JPH1: variants seen among roughly 807,000 people sequenced by gnomAD.
The protein encoded by JPH1 is junctophilin-1.
Under a neutral mutation model 53.6 loss-of-function variants are expected in JPH1, and 12 were observed. That is an observed-to-expected ratio of 0.22 (90% CI 0.14 to 0.36). The LOEUF is 0.36. Among genes scored for constraint, JPH1 ranks in the 10% least tolerant of loss-of-function variants. The pLI is 1.00. For missense variants in JPH1, 808 were observed against 905.5 expected (o/e 0.89, Z 1.38); for synonymous variants, 375 against 363.8 (o/e 1.03, Z -0.35).
At chr8:74,280,897 A>G (rs1806994974) in intron 2 of JPH1, among the ~76,000 whole-genome samples, 1 of 152,210 alleles carries the variant, frequency 6.6e-6, no homozygotes. Flanking sequence ...CTCTCACAAC[A>G]GTTCTGCAAG....
intron 3 of JPH1, among the ~76,000 whole-genome samples, chr8:74,259,130 C>T (rs1372512147): frequency 6.6e-6 from 1 of 152,190 alleles, no homozygotes; most frequent in Admixed American, 6.5e-5. Flanking sequence ...CGTGTTTCAA[C>T]TTGGGTTCCC....
chr8:74,271,966 C>T (rs527433624), intron 2 of JPH1, among the ~76,000 whole-genome samples: 2 of 152,330 alleles, frequency 1.3e-5, no homozygotes, highest in South Asian at 4.1e-4. Flanking sequence ...GAAGCCTCTT[C>T]CCATCCAAGA....
At position 74,321,424 on chromosome 8, in the gene JPH1, GC is replaced by G; in HGVS notation, c.-138del. On this transcript the variant is annotated 5_prime_UTR_variant, in exon 1 of 6. Coordinates refer to ENST00000342232, the MANE Select transcript of JPH1 (RefSeq NM_020647.4). This position sits in a 1 kb window ranked among gnomAD's most constrained non-coding sequence, Gnocchi z 4.3. ...CCTGGGCAGCTCGCGCTGCCGCTCGGCTCCAGTCCGACGCCGCCCCCGTCCT... is the reference window on the plus strand; with the variant it reads ...CCTGGGCAGCTCGCGCTGCCGCTCGGTCCAGTCCGACGCCGCCCCCGTCCT... 1 of 811,326 alleles carries G rather than the reference GC, an allele frequency of 1.2e-6. No homozygotes were observed. The highest frequency in any genetic ancestry group is 1.7e-6 in the Non-Finnish European group (1 of 576,578). The allele number at this position is 811,326 out of a possible 1,614,324, so 50.3% of individuals were successfully genotyped here.
At chr8:74,262,485 G>A (rs1806422018) in intron 2 of JPH1, among the ~76,000 whole-genome samples, 1 of 152,058 alleles carries the variant, frequency 6.6e-6, no homozygotes, top group Non-Finnish European at 1.5e-5. Flanking sequence ...CTGGTCACAG[G>A]CAAAAAATGC....
At chr8:74,260,772 A>G (rs368006429) in intron 2 of JPH1, among the ~76,000 whole-genome samples, 21 of 152,250 alleles carry the variant, frequency 1.4e-4, no homozygotes, top group African/African-American at 5.1e-4. Context: ...CCCTTTTCAC[A>G]TTACTCTCTT....
chr8:74,289,945 T>C (rs952230333), intron 2 of JPH1, among the ~76,000 whole-genome samples: 2 of 152,318 alleles, frequency 1.3e-5, no homozygotes, highest in Non-Finnish European at 2.9e-5. Context: ...GGATAAGCTT[T>C]TTGATGTGCT....
In JPH1 at chr8:74,320,944, T is replaced by C; in HGVS notation, c.344A>G (p.Gln115Arg). 6.3e-7 allele frequency: 1 copy of C among 1,599,206 alleles called. No individual in the cohort carries two copies. Among genetic ancestry groups the C allele is most frequent in the Non-Finnish European group, 8.5e-7 (1 of 1,173,112 alleles). Residue 115 changes from glutamine to arginine, a missense_variant, in exon 1 of 6, where the codon CAA becomes CGA. By Grantham distance (43) the Gln-to-Arg change is conservative. Around this residue, in one of 2 missense-constraint regions of JPH1, gnomAD observed 756 missense variants for 811.9 expected, o/e 0.93. Transcript: ENST00000342232. The surrounding 1 kb of genome is among the most constrained non-coding windows in gnomAD (Gnocchi z 4.4). Reference sequence around the variant, plus strand: ...GTAGGTCTCCACGCCGTACCCGTCTTGCAGCCCGTTACTCCAGGTACCCTC... The same window carrying C: ...GTAGGTCTCCACGCCGTACCCGTCTCGCAGCCCGTTACTCCAGGTACCCTC... The part of the protein sequence containing the change: ...RYEGTWSNGL[Q>R]DGYGVETYGD...
intron 2 of JPH1, among the ~76,000 whole-genome samples, chr8:74,282,901 T>A (rs532500198): frequency 1.6e-4 from 24 of 152,364 alleles, no homozygotes; most frequent in African/African-American, 5.8e-4. Context: ...TATACATGTA[T>A]CAAAATATCA....
chr8:74,257,564 G>A (rs1036807398), intron 3 of JPH1, among the ~76,000 whole-genome samples: 2 of 152,164 alleles, frequency 1.3e-5, no homozygotes, highest in Non-Finnish European at 2.9e-5. Context: ...CTAGGGAGGA[G>A]AGAACAATTT....
chr8:74,267,498 T>C (rs1806567784), intron 2 of JPH1, among the ~76,000 whole-genome samples: 1 of 152,222 alleles, frequency 6.6e-6, no homozygotes, highest in African/African-American at 2.4e-5. Flanking sequence ...GACTGGCTGA[T>C]TCATGTGCAG....
intron 2 of JPH1, among the ~76,000 whole-genome samples, chr8:74,270,244 C>T (rs1806660158): frequency 6.6e-6 from 1 of 152,166 alleles, no homozygotes; most frequent in African/African-American, 2.4e-5. Context: ...ACAGATTCAT[C>T]CAACTCATAG....
chr8:74,264,540 G>A (rs1218944258), intron 2 of JPH1, among the ~76,000 whole-genome samples: 1 of 152,024 alleles, frequency 6.6e-6, no homozygotes, highest in Non-Finnish European at 1.5e-5. Context: ...ATTATGCCCC[G>A]TGTTACACTA....
chr8:74,277,101 A>G (rs898029617), intron 2 of JPH1, among the ~76,000 whole-genome samples: 3 of 152,170 alleles, frequency 2.0e-5, no homozygotes, highest in African/African-American at 7.2e-5. Context: ...GTTCTCTTTC[A>G]CTGAGGTTTC....
chr8:74,244,114 G>A (rs1468141561), intron 4 of JPH1, among the ~76,000 whole-genome samples: 1 of 152,230 alleles, frequency 6.6e-6, no homozygotes, highest in African/African-American at 2.4e-5. Flanking sequence ...GAAAACAGGA[G>A]AACTAAGAAC....
intron 2 of JPH1, among the ~76,000 whole-genome samples, chr8:74,303,709 A>G (rs1394381489): frequency 1.3e-5 from 2 of 152,038 alleles, no homozygotes; most frequent in Non-Finnish European, 1.5e-5. Context: ...TCAGCCTCCC[A>G]AAGTGCTGGG....
chr8:74,268,169 T>C (rs1806590511), intron 2 of JPH1, among the ~76,000 whole-genome samples: 1 of 152,116 alleles, frequency 6.6e-6, no homozygotes, highest in South Asian at 2.1e-4. Context: ...AGAGAGGTAC[T>C]TAACAGATAA....
At chr8:74,238,232 T>C (rs1805593576) in intron 4 of JPH1, among the ~76,000 whole-genome samples, 1 of 152,212 alleles carries the variant, frequency 6.6e-6, no homozygotes. Flanking sequence ...ATTTGGATAC[T>C]GGGTAAGACT....
chr8:74,281,718 T>TGACTC (rs773826860), intron 2 of JPH1, among the ~76,000 whole-genome samples: 6 of 152,196 alleles, frequency 3.9e-5, no homozygotes, highest in Non-Finnish European at 8.8e-5. Flanking sequence ...AACCCTGACC[T>TGACTC]GACTCATTCC....
chr8:74,264,474 T>C (rs1375643031), intron 2 of JPH1, among the ~76,000 whole-genome samples: 1 of 152,202 alleles, frequency 6.6e-6, no homozygotes, highest in Admixed American at 6.5e-5. Flanking sequence ...TATTTAGATA[T>C]AAAATGTAAA....
Sources: allele counts gnomAD v4.1 joint callset (sites outside exome capture counted in the v4.1 genomes callset), GRCh38; gene constraint gnomAD v4.1.1; regional missense constraint gnomAD v4.1.1; non-coding constraint Gnocchi (gnomAD v3.1); transcripts MANE v1.5; gene names NCBI Gene and HGNC (gene_info 2026-07-23, HGNC 2026-07-21).